Variants in PCDHGB1 observed in about 807,000 individuals in gnomAD.
PCDHGB1 encodes protocadherin gamma-B1.
In PCDHGB1, 34 loss-of-function variants were observed where a neutral mutation model predicts 56.6. The ratio of observed to expected loss-of-function variants is 0.60; its 90% CI spans 0.46 to 0.80. The LOEUF (loss-of-function observed/expected upper bound fraction) is 0.80, where lower values mean the gene tolerates loss of function less well. PCDHGB1 is among the 30% of genes least tolerant of loss of function. The pLI, the probability that PCDHGB1 is intolerant of heterozygous loss-of-function variation, is 0.00. For missense variants in PCDHGB1, 1,278 were observed against 1,204.6 expected (o/e 1.06, Z -0.90); for synonymous variants, 561 against 505.9 (o/e 1.11, Z -1.46).
At chr5:141,415,740 GTTTTTTTTTTTTT>G (rs57426385) in intron 1 of PCDHGB1, 160 of 625,000 alleles carry the variant, frequency 2.6e-4, no homozygotes, top group Middle Eastern at 1.1e-3. Context: ...GTTTATTAAG[GTTTTTTTTTTTTT>G]TTTTTTTTTT....
In PCDHGB1 at chr5:141,350,349, A is replaced by C. The variant is rs761366858; in HGVS notation, c.89A>C (p.Gln30Pro). 6.4e-7 allele frequency: 1 copy of C among 1,559,220 alleles called. No homozygotes were observed. The highest frequency in any genetic ancestry group is 8.7e-7 in the Non-Finnish European group (1 of 1,153,118). Residue 30 changes from glutamine to proline, a missense_variant, in exon 1 of 4, where the codon CAG (glutamine) becomes CCG (proline). Gln to Pro is a moderately conservative substitution (Grantham distance 76, BLOSUM62 -1). Coordinates refer to ENST00000523390, the MANE Select transcript of PCDHGB1 (RefSeq NM_018922.3). ...TTGTTCTGCGGGGCCATCTCCCAGC[A>C]GATCCGATACACGATTCCAGAGGAG... ...LSLFCGAISQ[Q>P]IRYTIPEELA...
At chr5:141,428,141 G>A (rs1314061143) in intron 1 of PCDHGB1, 1 of 1,596,618 alleles carries the variant, frequency 6.3e-7, no homozygotes, top group Non-Finnish European at 8.6e-7. Context: ...GCCTGGGGCT[G>A]CACACGGGAA....
Position 141,491,874 on chromosome 5 carries a change from T to G in PCDHGB1, c.2410-2933T>G, listed in dbSNP as rs1160702024. On this transcript the variant is annotated intron_variant, in intron 1 of 3. Coordinates refer to ENST00000523390, the MANE Select transcript of PCDHGB1 (RefSeq NM_018922.3). The surrounding 1 kb of genome is among the most constrained non-coding windows in gnomAD (Gnocchi z 6.9). ...GTTTGCGCGAAACCAGAGTGGCCGA[T>G]TAAGGGATGGGGCTCCGAGCACCGG... 15 of 1,451,168 alleles carry G rather than the reference T, an allele frequency of 1.0e-5. No homozygotes were observed. The highest frequency in any genetic ancestry group is 1.4e-5 in the Non-Finnish European group (15 of 1,098,162). 89.9% of individuals were successfully genotyped at this position (1,451,168 alleles called of 1,614,324 possible). A position where few individuals can be genotyped will look rare whatever the true frequency, so the allele number is the denominator to read the frequency against.
At chr5:141,382,764 A>G (rs1778415401) in intron 1 of PCDHGB1, 1 of 699,092 alleles carries the variant, frequency 1.4e-6, no homozygotes. Context: ...GCCCTCTTCC[A>G]GGCTGCACTA....
At chr5:141,482,530 C>CAAAAAAAAAAAAAAA (rs3074545) in intron 1 of PCDHGB1, among the ~76,000 whole-genome samples, 1 of 76,562 alleles carries the variant, frequency 1.3e-5, no homozygotes, top group African/African-American at 4.8e-5. Flanking sequence ...GACAGACATG[C>CAAAAAAAAAAAAAAA]AAAAAAAAAA....
intron 1 of PCDHGB1, among the ~76,000 whole-genome samples, chr5:141,492,711 C>T (rs927567393): frequency 4.6e-5 from 7 of 152,254 alleles, no homozygotes; most frequent in East Asian, 3.8e-4. Flanking sequence ...AAGCCTCGAG[C>T]AGGCGGACAG....
intron 1 of PCDHGB1, chr5:141,364,429 C>T (rs1297312122): frequency 1.9e-6 from 3 of 1,613,650 alleles, no homozygotes; most frequent in Admixed American, 1.7e-5. Flanking sequence ...AGATCCGCTA[C>T]TCGATGCCGG....
chr5:141,352,748 A>G, intron 1 of PCDHGB1, 79 bp downstream of exon 1: 1 of 1,432,690 alleles, frequency 7.0e-7, no homozygotes, highest in South Asian at 1.3e-5. Context: ...CCAGCACTTA[A>G]CCAGGCTGAG....
rs1385496143 is a variant in PCDHGB1, at chr5:141,361,418, G to A, written c.2409+8749G>A. On this transcript the variant is annotated intron_variant, in intron 1 of 3. Coordinates refer to ENST00000523390, the MANE Select transcript of PCDHGB1 (RefSeq NM_018922.3). ...CTCACCATCACAGCCACCGACGGGG[G>A]CAAGCCGCCCCTCTCCTCCAGCATA... The A allele has an allele frequency of 3.7e-6, 6 of 1,614,036 alleles. No individual in the cohort carries two copies. Among genetic ancestry groups the A allele is most frequent in the Non-Finnish European group, 5.1e-6 (6 of 1,179,900 alleles).
chr5:141,500,104 T>G (rs917633032), intron 2 of PCDHGB1, among the ~76,000 whole-genome samples: 4 of 152,124 alleles, frequency 2.6e-5, no homozygotes, highest in Non-Finnish European at 4.4e-5. Flanking sequence ...AATTTATTTG[T>G]TGAATCCCTG....
chr5:141,435,781 C>T (rs3828680), intron 1 of PCDHGB1, among the ~76,000 whole-genome samples: 81,882 of 151,942 alleles, frequency 0.54, 24,120 homozygotes, highest in African/African-American at 0.79. Flanking sequence ...TGTAAAGGTG[C>T]AGGGAAACAT....
intron 1 of PCDHGB1, chr5:141,376,578 A>C: frequency 6.3e-6 from 10 of 1,590,844 alleles, no homozygotes; most frequent in Non-Finnish European, 8.6e-6. Flanking sequence ...AGACAGGCTC[A>C]TCAGCTAGAT....
chr5:141,422,499 A>G lies in PCDHGB1; in HGVS notation c.2409+69830A>G. 3 of 1,614,036 alleles carry G rather than the reference A, an allele frequency of 1.9e-6. No homozygotes were observed. The South Asian group carries it at 3.3e-5, about 18-fold the overall frequency. On this transcript the variant is annotated intron_variant, in intron 1 of 3. Coordinates refer to ENST00000523390, the MANE Select transcript of PCDHGB1 (RefSeq NM_018922.3). ...TCCAGAGCTACAATATAACGTTGAC[A>G]GCCACAGACCAGGGAAGCCCGCCTT...
intron 1 of PCDHGB1, among the ~76,000 whole-genome samples, chr5:141,358,192 AAAAGTAAAATAAAAT>A (rs1229830630): frequency 7.9e-5 from 12 of 152,228 alleles, no homozygotes; most frequent in African/African-American, 2.4e-4. Flanking sequence ...TCTGTCTCCA[AAAAGTAAAATAAAAT>A]AAAGTAAAAT....
At chr5:141,380,748 C>A (rs1776705964) in intron 1 of PCDHGB1, among the ~76,000 whole-genome samples, 1 of 151,948 alleles carries the variant, frequency 6.6e-6, no homozygotes, top group African/African-American at 2.4e-5. Flanking sequence ...AAGAAGGTAC[C>A]AAGACACTAT....
At chr5:141,422,934 C>T in intron 1 of PCDHGB1, 1 of 1,614,254 alleles carries the variant, frequency 6.2e-7, no homozygotes, top group Non-Finnish European at 8.5e-7. Context: ...CTGCCCTCCC[C>T]ACAGACGGCT....
At chr5:141,371,875 G>A in intron 1 of PCDHGB1, 1 of 1,613,506 alleles carries the variant, frequency 6.2e-7, no homozygotes, top group Non-Finnish European at 8.5e-7. Flanking sequence ...ATCGTGGCCA[G>A]TGACCTGGAG....
At chr5:141,383,007 G>A (rs1047921009) in intron 1 of PCDHGB1, 1 of 1,613,748 alleles carries the variant, frequency 6.2e-7, no homozygotes, top group Non-Finnish European at 8.5e-7. Flanking sequence ...ACTCCGTGTC[G>A]GAGGAGACGG....
intron 1 of PCDHGB1, among the ~76,000 whole-genome samples, chr5:141,479,996 G>A (rs759188600): frequency 7.2e-5 from 11 of 152,244 alleles, no homozygotes; most frequent in Middle Eastern, 3.2e-3. Context: ...CTAGGAGTCT[G>A]TGGCCAAGTT....
Sources: gnomAD v4.1 joint callset for allele counts (sites outside exome capture counted in the v4.1 genomes callset) on GRCh38, gnomAD v4.1.1 for gene constraint, Gnocchi (gnomAD v3.1) non-coding constraint, MANE v1.5 for transcripts, NCBI Gene and HGNC (gene_info 2026-07-23, HGNC 2026-07-21) for gene names.